The following TMEM132B variants were observed in gnomAD, a reference collection of about 807,000 sequenced individuals.
TMEM132B encodes the protein transmembrane protein 132B.
In TMEM132B, 18 loss-of-function variants were observed where a neutral mutation model predicts 90.8. That is an observed-to-expected ratio of 0.20 (90% confidence interval 0.14 to 0.29). The LOEUF (loss-of-function observed/expected upper bound fraction) is 0.29. Ranked by LOEUF, TMEM132B falls within the 10% of genes least tolerant of loss-of-function variation. The pLI, the probability that TMEM132B is intolerant of heterozygous loss-of-function variation, is 1.00. For missense variants in TMEM132B, 1,096 were observed against 1,326.8 expected (o/e 0.83, Z 2.70); for synonymous variants, 504 against 523.3 (o/e 0.96, Z 0.50).
At chr12:125,222,788 C>T (rs1294537577) in intron 1 of TMEM132B, among the ~76,000 whole-genome samples, 1 of 152,220 alleles carries the variant, frequency 6.6e-6, no homozygotes, top group African/African-American at 2.4e-5. Context: ...GTACCACCCA[C>T]CCTGCAGTGT....
chr12:125,515,332 A>G (rs1422966568), intron 3 of TMEM132B, among the ~76,000 whole-genome samples: 2 of 151,948 alleles, frequency 1.3e-5, no homozygotes, highest in Admixed American at 6.6e-5. Context: ...TACAGAAACA[A>G]CACATTCTGT....
chr12:125,362,224 G>A (rs376262090), intron 2 of TMEM132B, among the ~76,000 whole-genome samples: 14 of 152,230 alleles, frequency 9.2e-5, no homozygotes, highest in African/African-American at 1.7e-4. Flanking sequence ...CCTGCTCAGC[G>A]CTTCCCTGTG....
chr12:125,362,457 A>G (rs326405), intron 2 of TMEM132B, among the ~76,000 whole-genome samples: 145,901 of 152,316 alleles, frequency 0.96, 69,949 homozygotes, highest in East Asian at 1. Context: ...ATTTCTTAAC[A>G]TGGTAAAAAA....
intron 1 of TMEM132B, among the ~76,000 whole-genome samples, chr12:125,257,687 C>G (rs1216475013): frequency 6.6e-6 from 1 of 152,014 alleles, no homozygotes; most frequent in African/African-American, 2.4e-5. Context: ...GGAGGTTATC[C>G]TGGATTTTTC....
intron 1 of TMEM132B, among the ~76,000 whole-genome samples, chr12:125,236,077 A>C (rs1873929179): frequency 6.6e-6 from 1 of 152,106 alleles, no homozygotes; most frequent in Non-Finnish European, 1.5e-5. Flanking sequence ...TGCTGGGATT[A>C]CAGGCATGAG....
intron 2 of TMEM132B, among the ~76,000 whole-genome samples, chr12:125,413,661 A>G (rs1295213398): frequency 6.6e-6 from 1 of 152,246 alleles, no homozygotes; most frequent in Non-Finnish European, 1.5e-5. Flanking sequence ...ATCACGTAGC[A>G]TGTGTCAGAA....
At chr12:125,515,968 C>A (rs908950767) in intron 3 of TMEM132B, among the ~76,000 whole-genome samples, 4 of 143,674 alleles carry the variant, frequency 2.8e-5, no homozygotes, top group African/African-American at 1.1e-4. Flanking sequence ...TCTCTTGTGC[C>A]GACACACACA....
chr12:125,227,235 T>C (rs1873703525), intron 1 of TMEM132B, among the ~76,000 whole-genome samples: 1 of 152,144 alleles, frequency 6.6e-6, no homozygotes, highest in Non-Finnish European at 1.5e-5. Flanking sequence ...CCAGGTTCCA[T>C]GGGGATTTAA....
intron 1 of TMEM132B, among the ~76,000 whole-genome samples, chr12:125,335,982 C>G (rs1876943819): frequency 1.3e-5 from 2 of 152,088 alleles, no homozygotes. Context: ...GCAAGACTCC[C>G]CCTCAAAGGA....
intron 5 of TMEM132B, among the ~76,000 whole-genome samples, chr12:125,610,335 G>A (rs1469818948): frequency 6.6e-6 from 1 of 152,098 alleles, no homozygotes; most frequent in Non-Finnish European, 1.5e-5. Context: ...GCATAAGATC[G>A]TCGTTAGTGA....
Position 125,407,920 on chromosome 12 carries a change from T to C in TMEM132B, c.960-7611T>C, listed in dbSNP as rs1339129904. On this transcript the variant is annotated intron_variant, in intron 2 of 8. Coordinates refer to ENST00000682704, the MANE Select transcript of TMEM132B (RefSeq NM_001366854.1). This position sits in a 1 kb window ranked among gnomAD's most constrained non-coding sequence, Gnocchi z 6.7. ...GAACTGTAACCTACATGCAGAAGAG[T>C]CCACATAAGCGAGCACAGACTGATG... 6.6e-6 allele frequency among the ~76,000 whole-genome samples: 1 copy of C among 151,952 alleles called. No homozygotes were observed. The highest frequency in any genetic ancestry group is 1.5e-5 in the Non-Finnish European group (1 of 67,996).
intron 3 of TMEM132B, among the ~76,000 whole-genome samples, chr12:125,466,733 G>C (rs150785109): frequency 6.6e-6 from 1 of 152,280 alleles, no homozygotes; most frequent in African/African-American, 2.4e-5. Context: ...CCAGATCCTG[G>C]GCCTGTGCTG....
chr12:125,428,946 T>G (rs1880415440), intron 3 of TMEM132B, among the ~76,000 whole-genome samples: 1 of 152,168 alleles, frequency 6.6e-6, no homozygotes, highest in Admixed American at 6.5e-5. Context: ...CCTGAAGATA[T>G]TCCCCTGTCT....
At position 125,487,732 on chromosome 12, in the gene TMEM132B, G is replaced by A. The variant is rs1290197978; in HGVS notation, c.1107-31707G>A. Among the ~76,000 whole-genome samples, 6 of 152,180 alleles carry A rather than the reference G, an allele frequency of 3.9e-5. No homozygotes were observed. The South Asian group carries it at 6.2e-4, about 16-fold the overall frequency. On this transcript the variant is annotated intron_variant, in intron 3 of 8. Coordinates refer to ENST00000682704, the MANE Select transcript of TMEM132B (RefSeq NM_001366854.1). ...TATGTACCCAGGAAGCAGAAATGGC[G>A]AGGTGAACATCGAGGAGTGTCAAAC...
intron 1 of TMEM132B, among the ~76,000 whole-genome samples, chr12:125,307,251 G>A (rs1445719001): frequency 6.6e-6 from 1 of 152,156 alleles, no homozygotes; most frequent in African/African-American, 2.4e-5. Flanking sequence ...CAAGACCAGG[G>A]ATTCTGTCCG....
chr12:125,494,015 C>T (rs1318259752), intron 3 of TMEM132B, among the ~76,000 whole-genome samples: 1 of 144,268 alleles, frequency 6.9e-6, no homozygotes, highest in Non-Finnish European at 1.5e-5. Flanking sequence ...TCCCTCCTCT[C>T]CCTCCTCCCT....
intron 4 of TMEM132B, among the ~76,000 whole-genome samples, chr12:125,551,854 C>G (rs1438714073): frequency 6.6e-6 from 1 of 152,140 alleles, no homozygotes; most frequent in Admixed American, 6.5e-5. Flanking sequence ...AGGATCTAAC[C>G]TGGCACATTG....
At chr12:125,513,634 A>G (rs1329760289) in intron 3 of TMEM132B, among the ~76,000 whole-genome samples, 2 of 152,200 alleles carry the variant, frequency 1.3e-5, no homozygotes, top group Non-Finnish European at 2.9e-5. Context: ...TTAGCTTAAA[A>G]TAGACTTATT....
At chr12:125,651,635 T>TA (rs1414250962) in intron 7 of TMEM132B, among the ~76,000 whole-genome samples, 1 of 152,172 alleles carries the variant, frequency 6.6e-6, no homozygotes, top group African/African-American at 2.4e-5. Flanking sequence ...ACTAGCAGCT[T>TA]AAAAAACACC....
Sources: gnomAD v4.1 joint callset for allele counts (sites outside exome capture counted in the v4.1 genomes callset) on GRCh38, gnomAD v4.1.1 for gene constraint, Gnocchi (gnomAD v3.1) non-coding constraint, MANE v1.5 for transcripts, NCBI Gene and HGNC (gene_info 2026-07-23, HGNC 2026-07-21) for gene names.